The following SEMA3A variants were observed in gnomAD, a reference collection of about 807,000 sequenced individuals.
SEMA3A encodes semaphorin-3A.
Under a neutral mutation model 97.9 loss-of-function variants are expected in SEMA3A, and 29 were observed. The ratio of observed to expected loss-of-function variants is 0.30; its 90% CI spans 0.22 to 0.40. The LOEUF (loss-of-function observed/expected upper bound fraction) is 0.40, where lower values mean the gene tolerates loss of function less well. Among genes scored for constraint, SEMA3A ranks in the 10% least tolerant of loss-of-function variants. The pLI is 1.00. For synonymous variants in SEMA3A, 321 were observed against 323.7 expected (o/e 0.99, Z 0.09); for missense variants, 763 against 951.3 (o/e 0.80, Z 2.60).
intron 1 of SEMA3A, among the ~76,000 whole-genome samples, chr7:84,423,488 C>A (rs1054696430): frequency 1.3e-5 from 2 of 152,076 alleles, no homozygotes; most frequent in African/African-American, 2.4e-5. Flanking sequence ...AAGAGGTCTT[C>A]TGTGGTCATC....
intron 1 of SEMA3A, among the ~76,000 whole-genome samples, chr7:84,160,433 C>T (rs1420659326): frequency 6.6e-6 from 1 of 151,664 alleles, no homozygotes; most frequent in African/African-American, 2.4e-5. Flanking sequence ...GCCTGTAGTC[C>T]CAGCTACTCA....
At position 84,482,082 on chromosome 7, in the gene SEMA3A, T is replaced by C. The variant is rs139515064; in HGVS notation, c.-246+10378A>G. Among the ~76,000 whole-genome samples, 703 of 151,952 alleles carry C rather than the reference T, an allele frequency of 4.6e-3. 1 individual carries two copies. The highest frequency in any genetic ancestry group is 0.014 in the African/African-American group (583 of 41,570). On this transcript the variant is annotated intron_variant, in intron 1 of 3. Transcript: ENST00000424555. Reference sequence around the variant, plus strand: ...TGTTAACTTATCATAAATGAAATTATATATATAGGCATTTGAAAAATTAGG... The same window carrying C: ...TGTTAACTTATCATAAATGAAATTACATATATAGGCATTTGAAAAATTAGG...
chr7:84,222,343 T>C (rs569240306), intron 3 of SEMA3A, among the ~76,000 whole-genome samples: 4 of 152,018 alleles, frequency 2.6e-5, no homozygotes, highest in African/African-American at 9.6e-5. Context: ...TCACCAATGA[T>C]AAATACCTAG....
intron 12 of SEMA3A, among the ~76,000 whole-genome samples, chr7:83,999,869 C>G (rs1177520418): frequency 6.6e-6 from 1 of 152,014 alleles, no homozygotes; most frequent in Non-Finnish European, 1.5e-5. Flanking sequence ...AGGTTTTCTA[C>G]TGGAGAATAA....
intron 4 of SEMA3A, among the ~76,000 whole-genome samples, chr7:84,086,426 ATAT>A (rs1041986630): frequency 6.2e-5 from 9 of 144,342 alleles, no homozygotes; most frequent in East Asian, 2.0e-4. Flanking sequence ...TTAATATTTC[ATAT>A]TATATTTATA....
intron 3 of SEMA3A, among the ~76,000 whole-genome samples, chr7:84,274,996 G>T (rs930615930): frequency 1.5e-4 from 23 of 152,006 alleles, no homozygotes; most frequent in Admixed American, 9.9e-4. Flanking sequence ...ATTTCCAGTA[G>T]ATATTTTGAT....
rs16887725 is a variant in SEMA3A at position 84,488,278 on chromosome 7, A to G, written c.-246+4182T>C. Among the ~76,000 whole-genome samples, 2,026 of 151,636 alleles carry G rather than the reference A, an allele frequency of 0.013. 97 individuals are homozygous for G. In the East Asian group the frequency reaches 0.16, roughly 12 times the overall value. On this transcript the variant is annotated intron_variant, in intron 1 of 3. Coordinates refer to the SEMA3A transcript ENST00000424555. ...TAGGAAATTATATTTTAAATGAAAT[A>G]TTACAAAGAGGTGTTTTCCAGCTAT...
intron 2 of SEMA3A, among the ~76,000 whole-genome samples, chr7:84,368,199 CT>C (rs1195723843): frequency 7.9e-5 from 12 of 151,154 alleles, no homozygotes; most frequent in Non-Finnish European, 1.8e-4. Flanking sequence ...TAAAAATGGT[CT>C]GCAGATTCAT....
In SEMA3A at chr7:83,957,280, C is replaced by T. The variant is rs568978771; in HGVS notation, c.*4091G>A. On this transcript the variant is annotated 3_prime_UTR_variant, in exon 17 of 17. Coordinates refer to ENST00000265362, the MANE Select transcript of SEMA3A (RefSeq NM_006080.3). ...TCATCTCGCTCTGTTTCCTTAATTT[C>T]ATTGTGAGCTCTTTGAGAACAAGGG... 1.2e-4 allele frequency: 18 copies of T among 152,192 alleles called. No individual in the cohort carries two copies. Among genetic ancestry groups the T allele is most frequent in the African/African-American group, 3.6e-4 (15 of 41,536 alleles). 9.4% of individuals were successfully genotyped at this position (152,192 alleles called of 1,614,324 possible).
chr7:84,407,766 C>A (rs1305838707), intron 1 of SEMA3A, among the ~76,000 whole-genome samples: 3 of 152,134 alleles, frequency 2.0e-5, no homozygotes, highest in African/African-American at 7.2e-5. Context: ...TGATCTTTGA[C>A]AAACCTGACA....
intron 2 of SEMA3A, among the ~76,000 whole-genome samples, chr7:84,329,377 C>T (rs1431935056): frequency 6.6e-6 from 1 of 151,902 alleles, no homozygotes; most frequent in Non-Finnish European, 1.5e-5. Context: ...TGGATATCAC[C>T]ACATTATGCC....
At chr7:84,324,448 A>G (rs754472273) in intron 2 of SEMA3A, among the ~76,000 whole-genome samples, 1 of 152,192 alleles carries the variant, frequency 6.6e-6, no homozygotes, top group Non-Finnish European at 1.5e-5. Context: ...ATTCCATCTC[A>G]TAGTTATCTG....
At chr7:84,331,359 T>C (rs936298910) in intron 2 of SEMA3A, among the ~76,000 whole-genome samples, 2 of 152,164 alleles carry the variant, frequency 1.3e-5, no homozygotes, top group African/African-American at 4.8e-5. Flanking sequence ...GTTGAGTTTC[T>C]GCTTTTAATC....
intron 3 of SEMA3A, among the ~76,000 whole-genome samples, chr7:84,297,114 A>G (rs1214224615): frequency 6.6e-6 from 1 of 152,104 alleles, no homozygotes; most frequent in African/African-American, 2.4e-5. Flanking sequence ...AGTAGCTGGG[A>G]TTACAGGCAT....
At chr7:84,009,095 G>A (rs1208957126) in intron 9 of SEMA3A, among the ~76,000 whole-genome samples, 2 of 152,110 alleles carry the variant, frequency 1.3e-5, no homozygotes, top group Admixed American at 1.3e-4. Context: ...CAAACAACAT[G>A]GGCATCACCT....
At chr7:84,275,221 A>G (rs1424542662) in intron 3 of SEMA3A, among the ~76,000 whole-genome samples, 1 of 152,096 alleles carries the variant, frequency 6.6e-6, no homozygotes, top group South Asian at 2.1e-4. Flanking sequence ...ACATCCATAC[A>G]TCCACTTACC....
chr7:84,274,113 T>C (rs1800225440), intron 3 of SEMA3A, among the ~76,000 whole-genome samples: 1 of 152,152 alleles, frequency 6.6e-6, no homozygotes, highest in African/African-American at 2.4e-5. Context: ...GGCCCATTTT[T>C]AACCATTTAA....
chr7:84,277,063 A>G (rs1800317182), intron 3 of SEMA3A, among the ~76,000 whole-genome samples: 1 of 152,060 alleles, frequency 6.6e-6, no homozygotes, highest in Admixed American at 6.6e-5. Context: ...ATTTCCCTCT[A>G]TATCAATTAT....
chr7:84,261,690 A>G (rs1273935068), intron 3 of SEMA3A, among the ~76,000 whole-genome samples: 4 of 152,204 alleles, frequency 2.6e-5, no homozygotes, highest in African/African-American at 9.6e-5. Flanking sequence ...ACCAGATCCA[A>G]TGCTCACTCA....
Sources: allele counts gnomAD v4.1 joint callset (sites outside exome capture counted in the v4.1 genomes callset), GRCh38; gene constraint gnomAD v4.1.1; transcripts MANE v1.5; gene names NCBI Gene and HGNC (gene_info 2026-07-23, HGNC 2026-07-21).